Variants in CFAP46 observed in about 807,000 individuals in gnomAD.
The protein encoded by CFAP46 is cilia and flagella associated protein 46.
A neutral mutation model predicts 325.7 loss-of-function variants in CFAP46; 245 were observed. The ratio of observed to expected loss-of-function variants is 0.75; its 90% CI spans 0.68 to 0.84. The LOEUF (loss-of-function observed/expected upper bound fraction) is 0.84. Among genes scored for constraint, CFAP46 ranks in the 40% least tolerant of loss-of-function variants. The pLI, the probability that CFAP46 is intolerant of heterozygous loss-of-function variation, is 0.00. For synonymous variants in CFAP46, 1,523 were observed against 1,495.9 expected (o/e 1.02, Z -0.42); for missense variants, 3,346 against 3,543.0 (o/e 0.94, Z 1.41).
intron 53 of CFAP46, 146 bp from the exon 54 acceptor site, chr10:132,814,400 G>T: frequency 9.3e-7 from 1 of 1,073,194 alleles, no homozygotes; most frequent in Non-Finnish European, 1.4e-6. Context: ...GGTAGAACCA[G>T]GCTAGCCAGA....
chr10:132,941,850 C>G (rs1850107981), intron 2 of CFAP46, 128 bp from the exon 3 acceptor site: 2 of 1,516,530 alleles, frequency 1.3e-6, no homozygotes, highest in Non-Finnish European at 1.8e-6. Context: ...CCCCATCCTC[C>G]ATCCTGGCCC....
intron 22 of CFAP46, among the ~76,000 whole-genome samples, chr10:132,906,766 C>A (rs1416068152): frequency 2.7e-4 from 30 of 110,188 alleles, no homozygotes; most frequent in Admixed American, 6.2e-4. Flanking sequence ...GTCCTGGGCA[C>A]CGAGAAGAGT....
At position 132,847,914 on chromosome 10, in the gene CFAP46, T is replaced by TC. The variant is rs1848467087; in HGVS notation, c.5953-594dup. On this transcript the variant is annotated intron_variant, in intron 41 of 57. Coordinates refer to ENST00000368586, the MANE Select transcript of CFAP46 (RefSeq NM_001200049.3). This position sits in a 1 kb window ranked among gnomAD's most constrained non-coding sequence, Gnocchi z 5.2. ...AAATGGAGAAGGAGTGATGGACATG[T>TC]CCCCGTTCTAGTAGGCTGCCTGAAT... Among the ~76,000 whole-genome samples, 2 of 152,122 alleles carry TC rather than the reference T, an allele frequency of 1.3e-5. No individual in the cohort carries two copies. The highest frequency in any genetic ancestry group is 4.8e-5 in the African/African-American group (2 of 41,426).
In CFAP46 at chr10:132,912,690, C is replaced by T. The variant is rs772635236; in HGVS notation, c.2464G>A (p.Ala822Thr). The T allele has an allele frequency of 6.1e-5, 94 of 1,549,544 alleles. No individual in the cohort carries two copies. The South Asian group carries it at 9.8e-4, about 16-fold the overall frequency. The change falls in exon 19 of 58, where the codon GCA becomes ACA. Residue 822 changes from alanine (A) to threonine (T), a missense_variant. Physicochemically the swap from Ala to Thr is moderately conservative, Grantham distance 58. Coordinates refer to ENST00000368586, the MANE Select transcript of CFAP46 (RefSeq NM_001200049.3). Reference protein sequence around the residue: ...RPNAFHSPLDAGATSEIKTAV... With the variant: ...RPNAFHSPLDTGATSEIKTAV... ...GTTTTGATCTCGGAAGTGGCTCCTG[C>T]GTCCAGTGGGCTGTGAAACGCGTTT... is the stretch of plus-strand genomic sequence containing the variant.
chr10:132,860,596 G>A (rs1165397015), intron 36 of CFAP46, 73 bp from the exon 37 acceptor site: 18 of 1,265,162 alleles, frequency 1.4e-5, no homozygotes, highest in African/African-American at 7.4e-5. Flanking sequence ...GAGGACGGGC[G>A]GGCAGGGACA....
intron 54 of CFAP46, among the ~76,000 whole-genome samples, chr10:132,813,205 T>G (rs1223307481): frequency 6.6e-6 from 1 of 152,018 alleles, no homozygotes; most frequent in Non-Finnish European, 1.5e-5. Flanking sequence ...GCCCAGCACC[T>G]GGAGGTCAAG....
chr10:132,886,689 C>G lies in CFAP46; in HGVS notation c.3305-730G>C, dbSNP rs1463446246. ...TCACACATCCCCAGTGAGCACAGAA[C>G]CCAGCCCACTCTGCCACCTTCCGGC... On this transcript the variant is annotated intron_variant, in intron 25 of 57. Transcript: ENST00000368586. This position sits in a 1 kb window ranked among gnomAD's most constrained non-coding sequence, Gnocchi z 5.8. Among the ~76,000 whole-genome samples, 1 of 152,160 alleles carries G rather than the reference C, an allele frequency of 6.6e-6. No homozygotes were observed. Among genetic ancestry groups the G allele is most frequent in the Non-Finnish European group, 1.5e-5 (1 of 68,010 alleles).
chr10:132,882,858 A>G (rs1048405337), intron 27 of CFAP46, among the ~76,000 whole-genome samples: 6 of 152,046 alleles, frequency 3.9e-5, no homozygotes, highest in Non-Finnish European at 2.9e-5. Context: ...AAAGCTGTGT[A>G]CGCGGGGGAG....
At chr10:132,867,206 G>GAC (rs1848827201) in intron 34 of CFAP46, among the ~76,000 whole-genome samples, 169 bp downstream of exon 34, 2 of 146,096 alleles carry the variant, frequency 1.4e-5, no homozygotes, top group South Asian at 4.7e-4. Context: ...CTCACACACT[G>GAC]ACACACACAC....
chr10:132,812,955 C>G (rs1032754139), intron 54 of CFAP46, 58 bp from the exon 55 acceptor site: 2 of 1,369,684 alleles, frequency 1.5e-6, no homozygotes, highest in Non-Finnish European at 2.0e-6. Context: ...CAGACCCCAC[C>G]GTGCGTTCTT....
rs1848602213 is a variant in CFAP46, at chr10:132,854,044, T to C, written c.5575-2739A>G. ...CTCAGATCTTTAATTTTTATTCCTC[T>C]GCTTATTTGGGAACTGAGTTTGCTC... is the stretch of plus-strand genomic sequence containing the variant. On this transcript the variant is annotated intron_variant, in intron 39 of 57. Coordinates refer to ENST00000368586, the MANE Select transcript of CFAP46 (RefSeq NM_001200049.3). 3.9e-5 allele frequency among the ~76,000 whole-genome samples: 6 copies of C among 152,342 alleles called. 1 individual carries two copies. The South Asian group carries it at 1.2e-3, about 32-fold the overall frequency.
intron 53 of CFAP46, 98 bp from the exon 54 acceptor site, chr10:132,814,352 G>A (rs965439726): frequency 7.4e-5 from 81 of 1,091,668 alleles, no homozygotes; most frequent in African/African-American, 2.0e-4. Context: ...GAATGCAGGC[G>A]CATATATCAG....
Position 132,941,074 on chromosome 10 carries a change from A to AAG in CFAP46, c.307-16_307-15dup. On this transcript the variant is annotated splice_polypyrimidine_tract_variant and intron_variant, in intron 3 of 57. Coordinates refer to ENST00000368586, the MANE Select transcript of CFAP46 (RefSeq NM_001200049.3). Reference sequence around the variant, plus strand: ...TTCAAATTCCTCCTAAGGCAACATAAAGAAGCACAATTAGACCGAAATACT... The same window carrying AAG: ...TTCAAATTCCTCCTAAGGCAACATAAAGAGAAGCACAATTAGACCGAAATACT... 6.2e-7 allele frequency: 1 copy of AAG among 1,613,992 alleles called. No individual in the cohort carries two copies. Among genetic ancestry groups the AAG allele is most frequent in the Non-Finnish European group, 8.5e-7 (1 of 1,179,940 alleles).
chr10:132,909,612 C>T (rs1296065668), intron 20 of CFAP46, among the ~76,000 whole-genome samples: 1 of 152,228 alleles, frequency 6.6e-6, no homozygotes, highest in African/African-American at 2.4e-5. Flanking sequence ...TCCAAGGCCC[C>T]TCCTCCATCT....
chr10:132,913,055 C>G lies in CFAP46; in HGVS notation c.2324G>C (p.Gly775Ala). ...CACAGCCCACACGCACCCACTGTGG[C>G]CTGTGGCCTTAACGATGCTCAGGAG... ...YHLLSIVKATGHSGDPVMLVT... is the reference protein window; with the variant it reads ...YHLLSIVKATAHSGDPVMLVT... Residue 775 changes from glycine to alanine, a missense_variant, in exon 18 of 58, where the codon GGC (glycine) becomes GCC (alanine). Coordinates refer to ENST00000368586, the MANE Select transcript of CFAP46 (RefSeq NM_001200049.3). 1 of 1,549,914 alleles carries G rather than the reference C, an allele frequency of 6.5e-7. No homozygotes were observed. The highest frequency in any genetic ancestry group is 8.7e-7 in the Non-Finnish European group (1 of 1,146,888).
At chr10:132,862,728 C>A (rs1205598532) in intron 35 of CFAP46, among the ~76,000 whole-genome samples, 2 of 150,742 alleles carry the variant, frequency 1.3e-5, no homozygotes, top group African/African-American at 4.9e-5. Context: ...GAGAGCCCCG[C>A]GGAGGAGAGA....
intron 50 of CFAP46, among the ~76,000 whole-genome samples, chr10:132,819,672 G>T (rs911678918): frequency 6.6e-6 from 1 of 152,200 alleles, no homozygotes; most frequent in African/African-American, 2.4e-5. Flanking sequence ...CAGTGTTGGG[G>T]TAACCCAATA....
Position 132,814,727 on chromosome 10 carries a change from A to T in CFAP46, c.7208T>A (p.Ile2403Asn), listed in dbSNP as rs778278526. 2 of 1,612,924 alleles carry T rather than the reference A, an allele frequency of 1.2e-6. No individual in the cohort carries two copies. Among genetic ancestry groups the T allele is most frequent in the African/African-American group, 2.7e-5 (2 of 74,874 alleles). ...GTCGACTATGATGCAGTCAGGGGGGATGGTCCGGGGGATGCTGCCCTGCAA... is the reference window on the plus strand; with the variant it reads ...GTCGACTATGATGCAGTCAGGGGGGTTGGTCCGGGGGATGCTGCCCTGCAA... ...KGRKGSIPRT[I>N]PPDCIIVDSD... Residue 2403 changes from isoleucine (I) to asparagine (N), a missense_variant, in exon 52 of 58, where the codon ATC (isoleucine) becomes AAC (asparagine). Ile to Asn is a moderately radical substitution (Grantham distance 149). Coordinates refer to ENST00000368586, the MANE Select transcript of CFAP46 (RefSeq NM_001200049.3).
intron 50 of CFAP46, among the ~76,000 whole-genome samples, chr10:132,823,952 A>C (rs1448515712): frequency 1.9e-5 from 2 of 104,052 alleles, no homozygotes; most frequent in African/African-American, 4.0e-5. Context: ...GTGTGCAGTG[A>C]TGTGTGCTGT....
Sources: allele counts gnomAD v4.1 joint callset (sites outside exome capture counted in the v4.1 genomes callset), GRCh38; gene constraint gnomAD v4.1.1; non-coding constraint Gnocchi (gnomAD v3.1); transcripts MANE v1.5; gene names NCBI Gene and HGNC (gene_info 2026-07-23, HGNC 2026-07-21).